The following GTF2IRD1 variants were observed in gnomAD, a reference collection of about 807,000 sequenced individuals.
The protein encoded by GTF2IRD1 is GTF2I repeat domain containing 1.
GTF2IRD1 carries 26 observed loss-of-function variants against 113.2 expected under a neutral mutation model. That is an observed-to-expected ratio of 0.23 (90% CI 0.17 to 0.32). The LOEUF is 0.32. GTF2IRD1 is among the 10% of genes least tolerant of loss of function. The probability of loss-of-function intolerance (pLI) is 1.00; values close to 1 mark genes in which losing one functional copy is unlikely to be tolerated. For missense variants in GTF2IRD1, 864 were observed against 1,280.8 expected, an observed-to-expected ratio of 0.67 and a Z score of 4.97; for synonymous variants, 484 against 529.1, an observed-to-expected ratio of 0.91 and a Z score of 1.17.
chr7:74,513,880 G>A (rs1796773292), intron 3 of GTF2IRD1, among the ~76,000 whole-genome samples: 1 of 152,162 alleles, frequency 6.6e-6, no homozygotes, highest in African/African-American at 2.4e-5. Context: ...AGGCTTGATG[G>A]TGTACACCTG....
In GTF2IRD1 at chr7:74,567,401, A is replaced by AG. The variant is rs1435134153; in HGVS notation, c.2320+7751dup. Among the ~76,000 whole-genome samples the AG allele has an allele frequency of 2.6e-5, 4 of 152,024 alleles. No individual in the cohort carries two copies. The East Asian group carries it at 7.7e-4, about 29-fold the overall frequency. On this transcript the variant is annotated intron_variant, in intron 22 of 26. Coordinates refer to ENST00000424337, the MANE Select transcript of GTF2IRD1 (RefSeq NM_005685.4). Reference sequence around the variant, plus strand: ...TGAAGCCCAGGGAGAAACTTACTGAAGGGGGTGATTGGTTGCACCAGCCTC... The same window carrying AG: ...TGAAGCCCAGGGAGAAACTTACTGAAGGGGGGTGATTGGTTGCACCAGCCTC...
At chr7:74,464,210 G>A (rs1172791564) in intron 1 of GTF2IRD1, among the ~76,000 whole-genome samples, 1 of 152,172 alleles carries the variant, frequency 6.6e-6, no homozygotes, top group Admixed American at 6.6e-5. Flanking sequence ...GCCTGAGGCT[G>A]AGCCTCAGTT....
At chr7:74,515,269 G>T in intron 3 of GTF2IRD1, 172 bp from the exon 4 acceptor site, 3 of 1,363,810 alleles carry the variant, frequency 2.2e-6, no homozygotes, top group Non-Finnish European at 3.0e-6. Context: ...GCCCTCAGTG[G>T]GGTGGTTGGA....
In GTF2IRD1 at chr7:74,512,798, C is replaced by T. The variant is rs1554343361; in HGVS notation, c.124-32C>T. 1.2e-6 allele frequency: 2 copies of T among 1,608,610 alleles called. No individual in the cohort carries two copies. Among genetic ancestry groups the T allele is most frequent in the South Asian group, 2.2e-5 (2 of 90,842 alleles). On this transcript the variant is annotated intron_variant, in intron 2 of 26. Transcript: ENST00000424337. This position sits in a 1 kb window ranked among gnomAD's most constrained non-coding sequence, Gnocchi z 4.4. ...TAGAGGTGTTCGGAGTATGGGGAGC[C>T]CTTCCGCTCACACAGCCTGCCCTTC... is the stretch of plus-strand genomic sequence containing the variant.
chr7:74,532,292 A>C (rs1404080920), intron 9 of GTF2IRD1, among the ~76,000 whole-genome samples: 1 of 152,132 alleles, frequency 6.6e-6, no homozygotes, highest in Non-Finnish European at 1.5e-5. Context: ...AGTGGCTTAC[A>C]CTTGTAATCC....
chr7:74,580,655 A>G (rs138061532), intron 22 of GTF2IRD1, among the ~76,000 whole-genome samples: 49 of 152,160 alleles, frequency 3.2e-4, no homozygotes, highest in African/African-American at 1.1e-3. Flanking sequence ...AGAGTTGCCC[A>G]GCCAGCGTTA....
chr7:74,510,854 G>T (rs2130081908), intron 2 of GTF2IRD1, among the ~76,000 whole-genome samples: 2 of 151,812 alleles, frequency 1.3e-5, no homozygotes, highest in South Asian at 4.2e-4. Context: ...TTTGAGACCA[G>T]CCTGGCCAAC....
chr7:74,590,691 A>G, intron 23 of GTF2IRD1, 134 bp from the exon 24 acceptor site: 2 of 527,932 alleles, frequency 3.8e-6, no homozygotes, highest in Admixed American at 3.5e-5. Context: ...GCGCCCCACC[A>G]GGGTCTTGAT....
chr7:74,475,613 C>T (rs1794355195), intron 1 of GTF2IRD1, among the ~76,000 whole-genome samples: 2 of 152,232 alleles, frequency 1.3e-5, no homozygotes, highest in South Asian at 4.1e-4. Flanking sequence ...GGGGAGGGGC[C>T]GCTTCATGAA....
intron 8 of GTF2IRD1, among the ~76,000 whole-genome samples, chr7:74,526,051 G>A (rs908918535): frequency 6.6e-6 from 1 of 152,304 alleles, no homozygotes; most frequent in Admixed American, 6.5e-5. Flanking sequence ...GCTGCAAAGG[G>A]CTGTCTGCAC....
At chr7:74,585,044 C>T (rs1801638020) in intron 22 of GTF2IRD1, among the ~76,000 whole-genome samples, 1 of 151,590 alleles carries the variant, frequency 6.6e-6, no homozygotes, top group South Asian at 2.1e-4. Flanking sequence ...TCAGGTGATC[C>T]ACCCACCTCG....
rs782039486 is a variant in GTF2IRD1 at position 74,543,872 on chromosome 7, CAAAAAAAAA to C, written c.1619-867_1619-859del. Among the ~76,000 whole-genome samples the C allele has an allele frequency of 2.0e-4, 7 of 34,590 alleles. No homozygotes were observed. The Admixed American group carries it at 2.1e-3, about 10-fold the overall frequency. 22.7% of individuals were successfully genotyped at this position (34,590 alleles called of 152,430 possible). A position where few individuals can be genotyped will look rare whatever the true frequency, so the allele number is the denominator to read the frequency against. ...GGAGCATAGCAAGACCCCATCTCTACAAAAAAAAAAAAAAAAAAAAAAAACAATTAGCTG... is the reference window on the plus strand; with the variant it reads ...GGAGCATAGCAAGACCCCATCTCTACAAAAAAAAAAAAAAACAATTAGCTG... On this transcript the variant is annotated intron_variant, in intron 14 of 26. Transcript: ENST00000424337.
chr7:74,558,946 G>C lies in GTF2IRD1; in HGVS notation c.2193G>C (p.Leu731=). Residue 731 remains leucine (L), a synonymous_variant, in exon 21 of 27, where the codon CTG becomes CTC. Coordinates refer to ENST00000424337, the MANE Select transcript of GTF2IRD1 (RefSeq NM_005685.4). ...SNPGSVIIEG[L]PPGIPFRKPC... is the part of the protein sequence containing the mutation. Reference sequence around the variant, plus strand: ...CCGGCTCCGTGATCATCGAGGGGCTGCCCCCAGGAATCCCGTTCCGAAAGC... The same window carrying C: ...CCGGCTCCGTGATCATCGAGGGGCTCCCCCCAGGAATCCCGTTCCGAAAGC... 4 of 1,614,076 alleles carry C rather than the reference G, an allele frequency of 2.5e-6. No individual in the cohort carries two copies. The highest frequency in any genetic ancestry group is 3.4e-6 in the Non-Finnish European group (4 of 1,179,994).
intron 1 of GTF2IRD1, among the ~76,000 whole-genome samples, chr7:74,480,219 G>A (rs1554334362): frequency 1.3e-5 from 2 of 152,004 alleles, no homozygotes; most frequent in African/African-American, 2.4e-5. Context: ...TCAAGGGCAG[G>A]AGCACCTGCT....
intron 2 of GTF2IRD1, among the ~76,000 whole-genome samples, chr7:74,511,744 A>G (rs1303964056): frequency 4.6e-5 from 7 of 152,174 alleles, no homozygotes; most frequent in Admixed American, 1.3e-4. Context: ...TATAGCTGCC[A>G]GCACTACCTG....
rs1406994146 is a variant in GTF2IRD1, at chr7:74,496,058, CTG to C, written c.-6-12015_-6-12014del. 4.6e-5 allele frequency among the ~76,000 whole-genome samples: 7 copies of C among 150,970 alleles called. No homozygotes were observed. In the East Asian group the frequency reaches 1.2e-3, roughly 26 times the overall value. On this transcript the variant is annotated intron_variant, in intron 1 of 26. Coordinates refer to ENST00000424337, the MANE Select transcript of GTF2IRD1 (RefSeq NM_005685.4). ...AGTGTGCATGTGTGCACACATGTGT[CTG>C]TATGTGTGGACATGCATGTGAGTTT... is the stretch of plus-strand genomic sequence containing the variant.
intron 3 of GTF2IRD1, among the ~76,000 whole-genome samples, chr7:74,514,393 C>A (rs1389116828): frequency 6.6e-6 from 1 of 152,106 alleles, no homozygotes; most frequent in East Asian, 1.9e-4. Flanking sequence ...AGCAGCAGGT[C>A]GTGTGGCACC....
Position 74,518,473 on chromosome 7 carries a change from T to G in GTF2IRD1, c.605+151T>G, listed in dbSNP as rs937335376. On this transcript the variant is annotated intron_variant, in intron 5 of 26. Coordinates refer to ENST00000424337, the MANE Select transcript of GTF2IRD1 (RefSeq NM_005685.4). ...AAAGCTCCCAGTCTGATGGTGGAGGTGAAGTGAAAGCGAAGTCATAGAACA... is the reference window on the plus strand; with the variant it reads ...AAAGCTCCCAGTCTGATGGTGGAGGGGAAGTGAAAGCGAAGTCATAGAACA... 4.8e-6 allele frequency: 3 copies of G among 625,170 alleles called. No individual in the cohort carries two copies. The African/African-American group carries it at 5.5e-5, about 12-fold the overall frequency. 38.7% of individuals were successfully genotyped at this position (625,170 alleles called of 1,614,324 possible). A position where few individuals can be genotyped will look rare whatever the true frequency, so the allele number is the denominator to read the frequency against.
intron 1 of GTF2IRD1, among the ~76,000 whole-genome samples, chr7:74,461,987 C>T (rs1390943667): frequency 2.6e-5 from 4 of 152,162 alleles, no homozygotes; most frequent in African/African-American, 9.7e-5. Flanking sequence ...AGACATAGAA[C>T]AGCGCTTTGG....
Sources: allele counts gnomAD v4.1 joint callset (sites outside exome capture counted in the v4.1 genomes callset), GRCh38; gene constraint gnomAD v4.1.1; non-coding constraint Gnocchi (gnomAD v3.1); transcripts MANE v1.5; gene names NCBI Gene and HGNC (gene_info 2026-07-23, HGNC 2026-07-21).